The following METTL21A variants were observed in gnomAD, a reference collection of about 807,000 sequenced individuals.
METTL21A encodes the protein protein N-lysine methyltransferase METTL21A.
METTL21A carries 22 observed loss-of-function variants against 20.9 expected under a neutral mutation model. The observed-to-expected ratio is 1.05, with a 90% CI of 0.75 to 1.50. The LOEUF (loss-of-function observed/expected upper bound fraction) is 1.50. Among genes scored for constraint, METTL21A ranks in the 40% most tolerant of loss-of-function variants. METTL21A has a pLI of 0.00. For missense variants in METTL21A, 271 were observed against 266.8 expected (o/e 1.02, Z -0.11); for synonymous variants, 93 against 102.0 (o/e 0.91, Z 0.53).
rs149117223 is a variant in METTL21A at position 207,585,066 on chromosome 2, C to T, written c.260-2906G>A. Among the ~76,000 whole-genome samples the T allele has an allele frequency of 2.0e-3, 300 of 152,064 alleles. 2 individuals are homozygous for T. Among genetic ancestry groups the T allele is most frequent in the African/African-American group, 6.7e-3 (276 of 41,494 alleles). The stretch of plus-strand genomic sequence containing the variant: ...GTGTCCACATACATCATCTAGGGTG[C>T]CTGAGGATTGGTTGGTCCTGCCCAC... On this transcript the variant is annotated intron_variant, in intron 3 of 3. Transcript: ENST00000425132.
At chr2:207,591,805 G>C (rs547518900) in intron 3 of METTL21A, among the ~76,000 whole-genome samples, 1 of 152,076 alleles carries the variant, frequency 6.6e-6, no homozygotes, top group East Asian at 1.9e-4. Flanking sequence ...TTTGAAGTGG[G>C]ATTCTTGTAG....
At chr2:207,584,088 A>T (rs576688508) in intron 3 of METTL21A, among the ~76,000 whole-genome samples, 20 of 152,320 alleles carry the variant, frequency 1.3e-4, no homozygotes, top group African/African-American at 4.3e-4. Context: ...CATCCCAGTT[A>T]TTTCCAGTTT....
At chr2:207,597,441 C>T (rs2086353086) in intron 3 of METTL21A, 2 of 235,980 alleles carry the variant, frequency 8.5e-6, no homozygotes, top group East Asian at 1.3e-4. Context: ...CAGAATTACC[C>T]CAGCCTCTTG....
downstream of METTL21A, chr2:207,612,496 T>C (rs889195084): frequency 2.0e-5 from 3 of 152,024 alleles, no homozygotes; most frequent in African/African-American, 7.2e-5. Flanking sequence ...GCAAAAAGCA[T>C]GATATGAGAC....
intron 3 of METTL21A, among the ~76,000 whole-genome samples, chr2:207,595,639 C>G (rs1324373496): frequency 6.6e-6 from 1 of 152,114 alleles, no homozygotes; most frequent in Non-Finnish European, 1.5e-5. Flanking sequence ...TCACGGCTCA[C>G]TGCAACCTAA....
intron 3 of METTL21A, chr2:207,602,558 TGA>T: frequency 4.7e-6 from 1 of 211,268 alleles, no homozygotes; most frequent in Non-Finnish European, 9.6e-6. Context: ...AGAGTAAATC[TGA>T]GTTAGCTTAA....
intron 3 of METTL21A, among the ~76,000 whole-genome samples, chr2:207,593,405 C>T (rs34775277): frequency 0.13 from 19,338 of 152,170 alleles, 1,643 homozygotes; most frequent in Middle Eastern, 0.2. Flanking sequence ...TGGTGCATGC[C>T]TATGGTCCCA....
At chr2:207,601,869 TTACA>T (rs994069874) in intron 3 of METTL21A, 14 of 216,426 alleles carry the variant, frequency 6.5e-5, no homozygotes, top group African/African-American at 2.0e-4. Context: ...GTTGGGAGGC[TTACA>T]TACATCTTGA....
In METTL21A at chr2:207,582,822, G is replaced by A. The variant is rs747195878; in HGVS notation, c.260-662C>T. 32 of 327,174 alleles carry A rather than the reference G, an allele frequency of 9.8e-5. 1 individual carries two copies. The highest frequency in any genetic ancestry group is 1.4e-4 in the Non-Finnish European group (23 of 161,526). 20.3% of individuals were successfully genotyped at this position (327,174 alleles called of 1,614,324 possible). A position where few individuals can be genotyped will look rare whatever the true frequency, so the allele number is the denominator to read the frequency against. On this transcript the variant is annotated intron_variant, in intron 3 of 3. Coordinates refer to the METTL21A transcript ENST00000425132. ...GCAGAAGAATTGTGCGAACCTGGGA[G>A]GTGGAAGTTGCAGTGAGCTGAGATG...
At chr2:207,623,927 C>G (rs2090808266) in intron 2 of METTL21A, among the ~76,000 whole-genome samples, 1 of 152,196 alleles carries the variant, frequency 6.6e-6, no homozygotes, top group Admixed American at 6.5e-5. Flanking sequence ...AAGTCATTAA[C>G]TTTCCTCAGC....
At chr2:207,618,124 A>C (rs574594665) in intron 3 of METTL21A, among the ~76,000 whole-genome samples, 1 of 152,202 alleles carries the variant, frequency 6.6e-6, no homozygotes. Context: ...CCTCAGCATT[A>C]TATTTCAAGA....
intron 3 of METTL21A, among the ~76,000 whole-genome samples, chr2:207,613,753 G>C (rs2089302961): frequency 6.6e-6 from 1 of 152,190 alleles, no homozygotes; most frequent in African/African-American, 2.4e-5. Flanking sequence ...GGAGGCCAAA[G>C]CGGGTGGATC....
chr2:207,586,176 T>C (rs2083802320), intron 3 of METTL21A, among the ~76,000 whole-genome samples: 2 of 152,168 alleles, frequency 1.3e-5, no homozygotes, highest in South Asian at 4.1e-4. Context: ...GGCATCACAC[T>C]ACCTGACTTC....
At chr2:207,613,177 G>T in exon 4 of METTL21A, 1 of 1,614,006 alleles carries the variant, frequency 6.2e-7, no homozygotes, top group Non-Finnish European at 8.5e-7. Context: ...CGTTCATAGC[G>T]AATTCGGCAT....
chr2:207,613,498 T>C, intron 3 of METTL21A, 55 bp from the exon 4 acceptor site: 2 of 1,480,832 alleles, frequency 1.4e-6, no homozygotes, highest in Non-Finnish European at 1.8e-6. Context: ...TTCTGTTAGG[T>C]AGAGAGGGGG....
At chr2:207,616,707 G>A (rs766121999) in intron 3 of METTL21A, among the ~76,000 whole-genome samples, 8 of 152,238 alleles carry the variant, frequency 5.3e-5, no homozygotes, top group Non-Finnish European at 1.0e-4. Flanking sequence ...TTAGCCAGGC[G>A]TGGTGGCAGG....
intron 3 of METTL21A, chr2:207,602,821 G>C: frequency 9.2e-6 from 2 of 218,478 alleles, no homozygotes; most frequent in Non-Finnish European, 1.8e-5. Flanking sequence ...GCAAAGAAGA[G>C]TGCTAGTTAG....
exon 4 of METTL21A, chr2:207,613,267 T>C: frequency 1.2e-6 from 2 of 1,613,908 alleles, no homozygotes; most frequent in African/African-American, 2.7e-5. Flanking sequence ...TCTAAATATA[T>C]GATATCAGCA....
chr2:207,624,166 T>TAAAAAAAA, intron 2 of METTL21A, 63 bp downstream of exon 2: 1 of 1,502,442 alleles, frequency 6.7e-7, no homozygotes, highest in African/African-American at 1.4e-5. Context: ...CTAAAAAAAA[T>TAAAAAAAA]AAAAAATAAA....
Sources: allele counts gnomAD v4.1 joint callset (sites outside exome capture counted in the v4.1 genomes callset), GRCh38; gene constraint gnomAD v4.1.1; transcripts MANE v1.5; gene names NCBI Gene and HGNC (gene_info 2026-07-23, HGNC 2026-07-21).